The following CCDC14 variants were observed in gnomAD, a reference collection of about 807,000 sequenced individuals.
CCDC14 encodes the protein coiled-coil domain containing 14.
A neutral mutation model predicts 81.4 loss-of-function variants in CCDC14; 71 were observed. The observed-to-expected ratio is 0.87, with a 90% confidence interval of 0.72 to 1.06. CCDC14 has a LOEUF of 1.06. CCDC14 is among the 50% of genes least tolerant of loss of function. The probability of loss-of-function intolerance (pLI) is 0.00; values close to 1 mark genes in which losing one functional copy is unlikely to be tolerated. For synonymous variants in CCDC14, 332 were observed against 364.8 expected (o/e 0.91, Z 1.03); for missense variants, 1,046 against 1,047.3 (o/e 1.00, Z 0.02).
chr3:123,928,656 T>C (rs1005481302), intron 12 of CCDC14, among the ~76,000 whole-genome samples: 11 of 152,212 alleles, frequency 7.2e-5, no homozygotes, highest in Non-Finnish European at 1.5e-4. Context: ...ATTTGGAACA[T>C]AATACAAAAT....
At position 123,913,783 on chromosome 3, in the gene CCDC14, G is replaced by A. The variant is rs888388742; in HGVS notation, c.*996C>T. ...CAAGTACTAAGGACAATTAGAGTAG[G>A]CAGGTGACCTGTACAAAGTATTAGT... On this transcript the variant is annotated 3_prime_UTR_variant, in exon 13 of 13. Transcript: ENST00000409697. 3.0e-6 allele frequency: 3 copies of A among 985,096 alleles called. No homozygotes were observed. In the South Asian group the frequency reaches 1.4e-4, roughly 46 times the overall value. 61.0% of individuals were successfully genotyped at this position (985,096 alleles called of 1,614,324 possible).
downstream of CCDC14, among the ~76,000 whole-genome samples, chr3:123,894,852 G>C (rs2034036398): frequency 6.6e-6 from 1 of 151,942 alleles, no homozygotes; most frequent in Non-Finnish European, 1.5e-5. Flanking sequence ...CCTTAGTTTG[G>C]AGTCTCGTTC....
chr3:123,892,199 A>G, the CCDC14 span, among the ~76,000 whole-genome samples: 5 of 152,140 alleles, frequency 3.3e-5, no homozygotes, highest in Non-Finnish European at 5.9e-5. Flanking sequence ...GCCAAACCAT[A>G]TCAGTTCCCA....
intron 5 of CCDC14, among the ~76,000 whole-genome samples, chr3:123,906,245 G>A (rs1157742931): frequency 6.6e-6 from 1 of 152,124 alleles, no homozygotes; most frequent in Non-Finnish European, 1.5e-5. Context: ...CAGGAGAATG[G>A]CGTGAACACG....
Position 123,955,926 on chromosome 3 carries a change from C to G in CCDC14, c.269G>C (p.Arg90Thr), listed in dbSNP as rs2037297948. 3.3e-6 allele frequency: 5 copies of G among 1,532,560 alleles called. No individual in the cohort carries two copies. Among genetic ancestry groups the G allele is most frequent in the Non-Finnish European group, 4.4e-6 (5 of 1,135,416 alleles). The allele number at this position is 1,532,560 out of a possible 1,614,324, so 94.9% of individuals were successfully genotyped here. Residue 90 changes from arginine to threonine, a missense_variant, in exon 5 of 13, where the codon AGA becomes ACA. By Grantham distance (71) the Arg-to-Thr change is moderately conservative. Transcript: ENST00000409697. The part of the protein sequence containing the change: ...TAYLENRSNS[R>T]PLESKRYGSK... ...TCCGTATCTTTTGCTTTCTAAAGGT[C>G]TAGAATTAGATCTGTTTTCTAAATA...
chr3:123,918,776 AG>A (rs552701695), intron 12 of CCDC14, among the ~76,000 whole-genome samples: 143 of 152,302 alleles, frequency 9.4e-4, no homozygotes, highest in African/African-American at 3.4e-3. Context: ...AACAAAAAAG[AG>A]GGATACAGCT....
chr3:123,898,229 T>G, intron 5 of CCDC14, among the ~76,000 whole-genome samples: 1 of 152,160 alleles, frequency 6.6e-6, no homozygotes. Flanking sequence ...ACAAGTGCGA[T>G]AAATAAACCC....
In CCDC14 at chr3:123,956,337, G is replaced by C; in HGVS notation, c.159+18C>G. ...AAAACTAATTAAAATAGTGTGTATTGTATCTATTCAATCTTACCTGACTTT... is the reference window on the plus strand; with the variant it reads ...AAAACTAATTAAAATAGTGTGTATTCTATCTATTCAATCTTACCTGACTTT... On this transcript the variant is annotated intron_variant, in intron 3 of 12. Coordinates refer to ENST00000409697, the MANE Select transcript of CCDC14 (RefSeq NM_001366335.1). 2.7e-6 allele frequency: 4 copies of C among 1,499,518 alleles called. No homozygotes were observed. The highest frequency in any genetic ancestry group is 2.7e-6 in the Non-Finnish European group (3 of 1,107,174). 92.9% of individuals were successfully genotyped at this position (1,499,518 alleles called of 1,614,324 possible).
At chr3:123,921,318 G>A (rs1011987296) in intron 12 of CCDC14, among the ~76,000 whole-genome samples, 3 of 152,054 alleles carry the variant, frequency 2.0e-5, no homozygotes, top group East Asian at 1.9e-4. Context: ...ACACATAGAC[G>A]GAAAGTGAAG....
intron 5 of CCDC14, among the ~76,000 whole-genome samples, chr3:123,904,224 A>T (rs1175266979): frequency 6.6e-6 from 1 of 152,160 alleles, no homozygotes; most frequent in African/African-American, 2.4e-5. Flanking sequence ...TCAGAAAATC[A>T]AAATACAGAA....
intron 5 of CCDC14, chr3:123,949,421 T>C (rs2141604): frequency 0.086 from 31,650 of 367,264 alleles, 4,293 homozygotes; most frequent in East Asian, 0.44. Flanking sequence ...ACACTTCTTT[T>C]AAGGGAGTTA....
chr3:123,944,765 G>A, intron 9 of CCDC14, 84 bp downstream of exon 9: 1 of 997,276 alleles, frequency 1.0e-6, no homozygotes, highest in Non-Finnish European at 1.4e-6. Flanking sequence ...TACTTATGAA[G>A]TCCTAGGTAT....
intron 12 of CCDC14, among the ~76,000 whole-genome samples, chr3:123,920,565 C>A (rs907107325): frequency 6.6e-6 from 1 of 152,182 alleles, no homozygotes; most frequent in Admixed American, 6.5e-5. Context: ...TCAACAAAAA[C>A]AACCTGTCAA....
At chr3:123,917,167 T>C (rs1290905736) in intron 12 of CCDC14, among the ~76,000 whole-genome samples, 2 of 151,486 alleles carry the variant, frequency 1.3e-5, no homozygotes, top group Admixed American at 6.6e-5. Context: ...ACTAAGACTT[T>C]AGTCTATTTA....
At chr3:123,893,991 G>T (rs557593166), downstream of CCDC14, among the ~76,000 whole-genome samples, 1 of 152,010 alleles carries the variant, frequency 6.6e-6, no homozygotes, top group Non-Finnish European at 1.5e-5. Context: ...TCATTCTGTA[G>T]GTTGCTTTGT....
intron 1 of CCDC14, chr3:123,957,448 T>A (rs2682199): frequency 1.3e-5 from 2 of 151,990 alleles, no homozygotes; most frequent in African/African-American, 4.8e-5. Context: ...GTTCCTTTTA[T>A]GTACATTCTT....
At position 123,955,884 on chromosome 3, in the gene CCDC14, T is replaced by C. The variant is rs566528029; in HGVS notation, c.311A>G (p.His104Arg). Residue 104 changes from histidine (H) to arginine (R), a missense_variant, in exon 5 of 13, where the codon CAT (histidine) becomes CGT (arginine). Coordinates refer to ENST00000409697, the MANE Select transcript of CCDC14 (RefSeq NM_001366335.1). ...SKRYGSKKKR[H>R]EKHTIPLVVQ... ...TACCAAAGGAATAGTATGTTTTTCA[T>C]GTCTTTTCTTTTTTGATCCGTATCT... 5.2e-6 allele frequency: 8 copies of C among 1,536,724 alleles called. No homozygotes were observed. The highest frequency in any genetic ancestry group is 4.9e-5 in the South Asian group (4 of 81,366).
chr3:123,948,859 C>A, intron 6 of CCDC14, 37 bp downstream of exon 6: 1 of 1,592,774 alleles, frequency 6.3e-7, no homozygotes, highest in Non-Finnish European at 8.6e-7. Flanking sequence ...TTAATTAGAA[C>A]TTACACTCAC....
At chr3:123,899,100 G>A (rs1469720504) in intron 5 of CCDC14, among the ~76,000 whole-genome samples, 2 of 152,170 alleles carry the variant, frequency 1.3e-5, no homozygotes, top group African/African-American at 4.8e-5. Context: ...TTAACAAGTA[G>A]TACTTGAGTA....
Sources: allele counts gnomAD v4.1 joint callset (sites outside exome capture counted in the v4.1 genomes callset), GRCh38; gene constraint gnomAD v4.1.1; transcripts MANE v1.5; gene names NCBI Gene and HGNC (gene_info 2026-07-23, HGNC 2026-07-21).